Variants in GPR176 observed in about 807,000 individuals in gnomAD.
GPR176 encodes the protein G protein-coupled receptor 176, also known as G-protein coupled receptor 176.
Under a neutral mutation model 35.4 loss-of-function variants are expected in GPR176, and 26 were observed. That is an observed-to-expected ratio of 0.74 (90% CI 0.54 to 1.02). GPR176 has a LOEUF of 1.02. Among genes scored for constraint, GPR176 ranks in the 50% least tolerant of loss-of-function variants. The probability of loss-of-function intolerance (pLI) is 0.00; values close to 1 mark genes in which losing one functional copy is unlikely to be tolerated. For missense variants in GPR176, 597 were observed against 665.3 expected (o/e 0.90, Z 1.13); for synonymous variants, 278 against 271.3 (o/e 1.02, Z -0.24).
At chr15:39,919,434 A>G (rs188691716) in intron 1 of GPR176, among the ~76,000 whole-genome samples, 256 of 152,332 alleles carry the variant, frequency 1.7e-3, no homozygotes, top group African/African-American at 5.9e-3. Context: ...TTCGAGATAT[A>G]TATGGAAAGA....
intron 1 of GPR176, among the ~76,000 whole-genome samples, chr15:39,895,255 A>G (rs71403567): frequency 0.95 from 120,066 of 125,796 alleles, 57,399 homozygotes; most frequent in East Asian, 0.99. Flanking sequence ...GAGGGAGACC[A>G]TGGGGAGAGG....
At chr15:39,860,939 C>T (rs1435070932) in intron 1 of GPR176, 1 of 152,182 alleles carries the variant, frequency 6.6e-6, no homozygotes, top group Non-Finnish European at 1.5e-5. Context: ...GAATTAGCAT[C>T]AATTACTCTG....
At chr15:39,895,204 A>G (rs1287484250) in intron 1 of GPR176, among the ~76,000 whole-genome samples, 1 of 148,294 alleles carries the variant, frequency 6.7e-6, no homozygotes, top group African/African-American at 2.5e-5. Context: ...TGAGAGGGAG[A>G]CCGTGGAAAG....
intron 1 of GPR176, chr15:39,813,340 A>T (rs1426263514): frequency 6.6e-6 from 1 of 152,230 alleles, no homozygotes; most frequent in East Asian, 1.9e-4. Flanking sequence ...CTTGCAGTAC[A>T]GGTCTGCTAG....
intron 1 of GPR176, among the ~76,000 whole-genome samples, chr15:39,879,169 G>A (rs962569924): frequency 1.3e-5 from 2 of 152,192 alleles, no homozygotes; most frequent in African/African-American, 4.8e-5. Context: ...TAAAAATAAG[G>A]AAAGTGAGGC....
intron 1 of GPR176, among the ~76,000 whole-genome samples, chr15:39,894,966 C>T (rs1247296632): frequency 7.2e-5 from 11 of 152,166 alleles, no homozygotes; most frequent in Non-Finnish European, 5.9e-5. Context: ...AACGAGACTC[C>T]GTCTGCAATC....
chr15:39,819,718 G>A (rs1900144302), intron 1 of GPR176, among the ~76,000 whole-genome samples: 2 of 152,100 alleles, frequency 1.3e-5, no homozygotes, highest in African/African-American at 4.8e-5. Flanking sequence ...TACTCCCTCT[G>A]TCCCAGTAAC....
chr15:39,834,189 C>A (rs1238942351), intron 1 of GPR176, among the ~76,000 whole-genome samples: 1 of 152,146 alleles, frequency 6.6e-6, no homozygotes, highest in East Asian at 1.9e-4. Context: ...CTAGCACAGA[C>A]AAATCTCTTA....
At chr15:39,847,423 G>A (rs1200006990) in intron 1 of GPR176, among the ~76,000 whole-genome samples, 1 of 151,964 alleles carries the variant, frequency 6.6e-6, no homozygotes, top group Non-Finnish European at 1.5e-5. Context: ...AAAGTAAAAG[G>A]ATGGAAAAAG....
At chr15:39,848,682 T>C (rs1049893024) in intron 1 of GPR176, among the ~76,000 whole-genome samples, 1 of 152,044 alleles carries the variant, frequency 6.6e-6, no homozygotes, top group African/African-American at 2.4e-5. Flanking sequence ...CTTCAAATAT[T>C]TGAAAGCTAA....
chr15:39,913,500 G>C (rs756924142), intron 1 of GPR176, among the ~76,000 whole-genome samples: 1 of 151,128 alleles, frequency 6.6e-6, no homozygotes, highest in Non-Finnish European at 1.5e-5. Context: ...AACTGAGATC[G>C]CACCACTGTA....
chr15:39,889,086 A>G (rs1430761773), intron 1 of GPR176, among the ~76,000 whole-genome samples: 2 of 152,184 alleles, frequency 1.3e-5, no homozygotes, highest in Non-Finnish European at 2.9e-5. Flanking sequence ...TTTATCTACC[A>G]TGAGTTTCCC....
intron 1 of GPR176, among the ~76,000 whole-genome samples, chr15:39,827,468 A>G (rs1333634955): frequency 1.3e-5 from 2 of 152,176 alleles, no homozygotes; most frequent in African/African-American, 4.8e-5. Flanking sequence ...TTGAACCCTT[A>G]GAGAAGAAAG....
intron 1 of GPR176, chr15:39,829,350 T>C (rs1900907226): frequency 2.3e-6 from 3 of 1,332,258 alleles, no homozygotes; most frequent in South Asian, 1.6e-5. Context: ...ATGGGGGCAA[T>C]GTGTGCGCAG....
intron 1 of GPR176, among the ~76,000 whole-genome samples, chr15:39,841,069 T>C (rs1369270589): frequency 6.6e-6 from 1 of 152,152 alleles, no homozygotes; most frequent in Admixed American, 6.6e-5. Flanking sequence ...CTCATGCAGC[T>C]GTCCTTAAAA....
intron 1 of GPR176, among the ~76,000 whole-genome samples, chr15:39,873,740 C>T (rs933439794): frequency 6.6e-6 from 1 of 151,916 alleles, no homozygotes; most frequent in Non-Finnish European, 1.5e-5. Context: ...CACCCTGCAC[C>T]TTCACCATCA....
At chr15:39,873,764 C>A (rs1325860298) in intron 1 of GPR176, among the ~76,000 whole-genome samples, 1 of 151,996 alleles carries the variant, frequency 6.6e-6, no homozygotes, top group African/African-American at 2.4e-5. Context: ...CAAGCCAGCC[C>A]CCACGATTGT....
At chr15:39,876,540 T>C (rs1357624138) in intron 1 of GPR176, among the ~76,000 whole-genome samples, 1 of 152,154 alleles carries the variant, frequency 6.6e-6, no homozygotes, top group African/African-American at 2.4e-5. Flanking sequence ...TGTTGATGTT[T>C]ATGTTAATGT....
At chr15:39,833,805 G>C (rs189775186) in intron 1 of GPR176, among the ~76,000 whole-genome samples, 3 of 152,020 alleles carry the variant, frequency 2.0e-5, no homozygotes, top group African/African-American at 7.2e-5. Flanking sequence ...CTGGGATTGC[G>C]GTCTCCCAAT....
Sources: gnomAD v4.1 joint callset for allele counts (sites outside exome capture counted in the v4.1 genomes callset) on GRCh38, gnomAD v4.1.1 for gene constraint, MANE v1.5 for transcripts, NCBI Gene and HGNC (gene_info 2026-07-23, HGNC 2026-07-21) for gene names.